The following PTPRD variants were observed in gnomAD, a reference collection of about 807,000 sequenced individuals.
PTPRD encodes protein tyrosine phosphatase receptor type D.
A neutral mutation model predicts 214.5 loss-of-function variants in PTPRD; 34 were observed. That is an observed-to-expected ratio of 0.16 (90% confidence interval 0.12 to 0.21). The LOEUF (loss-of-function observed/expected upper bound fraction) is 0.21. Ranked by LOEUF, PTPRD falls within the 10% of genes least tolerant of loss-of-function variation. The pLI is 1.00. For synonymous variants in PTPRD, 1,128 were observed against 845.7 expected (o/e 1.33, Z -5.79); for missense variants, 2,545 against 2,398.7 (o/e 1.06, Z -1.27).
chr9:9,762,779 T>C (rs780035573), intron 6 of PTPRD, among the ~76,000 whole-genome samples: 7 of 152,232 alleles, frequency 4.6e-5, no homozygotes, highest in Non-Finnish European at 1.0e-4. Context: ...TTCCAGATTT[T>C]TTAGGTATTA....
chr9:10,571,449 T>C lies in PTPRD; in HGVS notation c.-600+40949A>G, dbSNP rs192110612. ...TCATAAATGCTGTGTTAAATTTTAATGGTTTCCATGATATAGTAAAGAAAC... is the reference window on the plus strand; with the variant it reads ...TCATAAATGCTGTGTTAAATTTTAACGGTTTCCATGATATAGTAAAGAAAC... On this transcript the variant is annotated intron_variant, in intron 2 of 45. Coordinates refer to ENST00000381196, the MANE Select transcript of PTPRD (RefSeq NM_002839.4). Among the ~76,000 whole-genome samples the C allele has an allele frequency of 2.0e-5, 3 of 152,294 alleles. No individual in the cohort carries two copies. The East Asian group carries it at 5.8e-4, about 29-fold the overall frequency.
chr9:10,337,079 C>G (rs114296490), intron 3 of PTPRD, among the ~76,000 whole-genome samples: 3,856 of 151,684 alleles, frequency 0.025, 162 homozygotes, highest in African/African-American at 0.088. Flanking sequence ...TATTTAATTT[C>G]TAAAAAAACA....
chr9:8,954,915 C>G (rs1487985039), intron 11 of PTPRD, among the ~76,000 whole-genome samples: 2 of 151,910 alleles, frequency 1.3e-5, no homozygotes, highest in African/African-American at 4.8e-5. Context: ...TTGGTTATCA[C>G]TACAGATGCA....
intron 2 of PTPRD, among the ~76,000 whole-genome samples, chr9:10,508,756 GA>G (rs1244858161): frequency 6.6e-6 from 1 of 151,990 alleles, no homozygotes; most frequent in East Asian, 1.9e-4. Flanking sequence ...GGAACACTTG[GA>G]CACAGGAAGG....
At chr9:8,959,587 A>G (rs2099148545) in intron 11 of PTPRD, among the ~76,000 whole-genome samples, 2 of 152,122 alleles carry the variant, frequency 1.3e-5, no homozygotes, top group Non-Finnish European at 2.9e-5. Flanking sequence ...GTATCAGATG[A>G]TATATCAGAA....
At chr9:8,563,331 A>G (rs1054014480) in intron 14 of PTPRD, among the ~76,000 whole-genome samples, 6 of 152,070 alleles carry the variant, frequency 3.9e-5, no homozygotes, top group Non-Finnish European at 8.8e-5. Flanking sequence ...TGTTTTAGAT[A>G]TGTGCAGTTG....
chr9:8,912,908 C>T (rs919358495), intron 11 of PTPRD, among the ~76,000 whole-genome samples: 3 of 152,040 alleles, frequency 2.0e-5, no homozygotes, highest in African/African-American at 7.2e-5. Context: ...CACTGTTGTA[C>T]AGCTCAAATG....
intron 2 of PTPRD, among the ~76,000 whole-genome samples, chr9:10,565,668 C>A (rs1390149509): frequency 2.0e-5 from 3 of 152,052 alleles, no homozygotes. Context: ...CTTACCAATC[C>A]CTAACTTATA....
chr9:10,493,646 G>A (rs1463814255), intron 2 of PTPRD, among the ~76,000 whole-genome samples: 1 of 151,910 alleles, frequency 6.6e-6, no homozygotes, highest in Non-Finnish European at 1.5e-5. Context: ...GACTGTGTTT[G>A]CCTAATACCA....
At chr9:9,190,406 TG>T (rs1298515340) in intron 9 of PTPRD, among the ~76,000 whole-genome samples, 1 of 151,980 alleles carries the variant, frequency 6.6e-6, no homozygotes, top group Non-Finnish European at 1.5e-5. Flanking sequence ...CGAGATCCAG[TG>T]GGTTTATCAG....
intron 8 of PTPRD, among the ~76,000 whole-genome samples, chr9:9,535,625 ATAGTTT>A (rs2076356639): frequency 6.6e-6 from 1 of 152,102 alleles, no homozygotes; most frequent in Non-Finnish European, 1.5e-5. Flanking sequence ...CACAATGTAT[ATAGTTT>A]TAAACTCTAT....
intron 9 of PTPRD, among the ~76,000 whole-genome samples, chr9:9,360,509 G>C (rs1223172089): frequency 2.0e-5 from 3 of 151,050 alleles, no homozygotes; most frequent in African/African-American, 7.3e-5. Flanking sequence ...CTATGGGAGT[G>C]TGAATGCATA....
chr9:10,275,222 C>G (rs886098522), intron 3 of PTPRD, among the ~76,000 whole-genome samples: 3 of 151,992 alleles, frequency 2.0e-5, no homozygotes, highest in Non-Finnish European at 4.4e-5. Flanking sequence ...TACAAAAAAA[C>G]TTTAAATTCT....
At chr9:9,162,608 C>T (rs1315209615) in intron 10 of PTPRD, among the ~76,000 whole-genome samples, 2 of 152,074 alleles carry the variant, frequency 1.3e-5, no homozygotes, top group African/African-American at 4.8e-5. Flanking sequence ...CACCTGCTTG[C>T]ATCTCCATTT....
intron 12 of PTPRD, among the ~76,000 whole-genome samples, chr9:8,681,718 T>C (rs1225579499): frequency 6.6e-6 from 1 of 152,194 alleles, no homozygotes; most frequent in Non-Finnish European, 1.5e-5. Context: ...CTGCAAACAT[T>C]CTTTTAAAGA....
chr9:8,460,602 A>G (rs762287149), intron 32 of PTPRD, 31 bp from the exon 33 acceptor site: 7 of 1,594,048 alleles, frequency 4.4e-6, no homozygotes, highest in Non-Finnish European at 6.0e-6. Context: ...TTTCAGTTAT[A>G]AAATAATGAC....
At chr9:10,152,447 T>G (rs2099067173) in intron 3 of PTPRD, among the ~76,000 whole-genome samples, 1 of 152,206 alleles carries the variant, frequency 6.6e-6, no homozygotes, top group South Asian at 2.1e-4. Flanking sequence ...AAATATTTTC[T>G]CTTAGTTTTA....
At chr9:9,456,065 A>G (rs10977773) in intron 8 of PTPRD, among the ~76,000 whole-genome samples, 23,115 of 151,864 alleles carry the variant, frequency 0.15, 1,872 homozygotes, top group Middle Eastern at 0.29. Flanking sequence ...ATACTAATCC[A>G]AGCCTGAAAT....
chr9:9,645,481 T>TATA lies in PTPRD; in HGVS notation c.-286-70701_-286-70700insTAT, dbSNP rs551083492. On this transcript the variant is annotated intron_variant, in intron 7 of 45. Transcript: ENST00000381196. ...TGTATATATATATATATATATATAT[T>TATA]TTCTATTTGCTTCTATTTGAAATAT... 4.0e-3 allele frequency among the ~76,000 whole-genome samples: 574 copies of TATA among 142,332 alleles called. 1 individual carries two copies. The highest frequency in any genetic ancestry group is 0.012 in the Middle Eastern group (3 of 254). The allele number at this position is 142,332 out of a possible 152,430, so 93.4% of individuals were successfully genotyped here.
Sources: gnomAD v4.1 joint callset for allele counts (sites outside exome capture counted in the v4.1 genomes callset) on GRCh38, gnomAD v4.1.1 for gene constraint, MANE v1.5 for transcripts, NCBI Gene and HGNC (gene_info 2026-07-23, HGNC 2026-07-21) for gene names.